LRP1B: variants seen among roughly 807,000 people sequenced by gnomAD.
LRP1B encodes LDL receptor related protein 1B, also known as low-density lipoprotein receptor-related protein 1B.
LRP1B carries 217 observed loss-of-function variants against 556.6 expected under a neutral mutation model. That is an observed-to-expected ratio of 0.39 (90% CI 0.35 to 0.44). The LOEUF (loss-of-function observed/expected upper bound fraction) is 0.44, where lower values mean the gene tolerates loss of function less well. Among genes scored for constraint, LRP1B ranks in the 20% least tolerant of loss-of-function variants. LRP1B has a pLI of 1.00. For synonymous variants in LRP1B, 2,047 were observed against 1,865.8 expected (o/e 1.10, Z -2.50); for missense variants, 5,053 against 5,620.8 (o/e 0.90, Z 3.23).
intron 1 of LRP1B, among the ~76,000 whole-genome samples, chr2:142,066,568 A>G (rs4662219): frequency 0.57 from 85,677 of 151,206 alleles, 24,611 homozygotes; most frequent in East Asian, 0.71. Context: ...TTCTTCTAAC[A>G]GTCTACTTAC....
chr2:140,430,127 C>T (rs1040351147), intron 66 of LRP1B, among the ~76,000 whole-genome samples: 1 of 152,126 alleles, frequency 6.6e-6, no homozygotes, highest in African/African-American at 2.4e-5. Flanking sequence ...TTATTGATGG[C>T]AGTTCCACCA....
At chr2:140,769,140 G>C (rs921593386) in intron 35 of LRP1B, 73 bp downstream of exon 35, 1 of 1,376,056 alleles carries the variant, frequency 7.3e-7, no homozygotes, top group Non-Finnish European at 1.0e-6. Context: ...CAGAGGAAAA[G>C]ATTGTATTCC....
At chr2:141,013,775 C>A (rs2105386066) in intron 13 of LRP1B, 30 bp from the exon 14 acceptor site, 1 of 1,332,296 alleles carries the variant, frequency 7.5e-7, no homozygotes, top group Non-Finnish European at 1.0e-6. Flanking sequence ...TGTGAAAAAT[C>A]AGAACTGACC....
At chr2:141,601,328 T>G (rs987838738) in intron 2 of LRP1B, among the ~76,000 whole-genome samples, 1 of 152,162 alleles carries the variant, frequency 6.6e-6, no homozygotes, top group African/African-American at 2.4e-5. Flanking sequence ...TTGCCACTGT[T>G]GAAATCTCTC....
chr2:141,121,672 G>T (rs1701052424), intron 7 of LRP1B, among the ~76,000 whole-genome samples: 1 of 152,064 alleles, frequency 6.6e-6, no homozygotes, highest in Non-Finnish European at 1.5e-5. Context: ...TGGCCATACT[G>T]CCCAAGGTAA....
intron 1 of LRP1B, among the ~76,000 whole-genome samples, chr2:142,110,696 G>T (rs1032700694): frequency 6.6e-6 from 1 of 152,078 alleles, no homozygotes; most frequent in Non-Finnish European, 1.5e-5. Context: ...AATTGTTAAT[G>T]ATTTCTTTTA....
intron 2 of LRP1B, among the ~76,000 whole-genome samples, chr2:141,701,110 C>T (rs1241632106): frequency 1.3e-5 from 2 of 151,800 alleles, no homozygotes; most frequent in African/African-American, 2.4e-5. Flanking sequence ...GATTGCCTGG[C>T]CCCAAAACTT....
intron 49 of LRP1B, among the ~76,000 whole-genome samples, chr2:140,517,673 T>A (rs948921735): frequency 6.6e-6 from 1 of 151,204 alleles, no homozygotes; most frequent in Non-Finnish European, 1.5e-5. Context: ...TATTTTAACC[T>A]TCAAGAGTAC....
At chr2:141,943,987 A>T (rs1574515565) in intron 1 of LRP1B, among the ~76,000 whole-genome samples, 1 of 152,306 alleles carries the variant, frequency 6.6e-6, no homozygotes, top group Non-Finnish European at 1.5e-5. Context: ...AGGTTCCCAC[A>T]GGGGAACAGG....
intron 41 of LRP1B, among the ~76,000 whole-genome samples, chr2:140,616,972 CAT>C (rs1346260369): frequency 6.6e-6 from 1 of 151,812 alleles, no homozygotes; most frequent in East Asian, 1.9e-4. Flanking sequence ...AAATAACAAT[CAT>C]AGTTAAAATT....
At chr2:142,098,498 G>A (rs1047502955) in intron 1 of LRP1B, among the ~76,000 whole-genome samples, 6 of 151,466 alleles carry the variant, frequency 4.0e-5, no homozygotes, top group African/African-American at 1.5e-4. Flanking sequence ...ATTCGTTTTC[G>A]AATTAGAGAA....
chr2:140,320,100 C>A (rs964700347), intron 82 of LRP1B, among the ~76,000 whole-genome samples: 3 of 152,142 alleles, frequency 2.0e-5, no homozygotes, highest in African/African-American at 7.2e-5. Flanking sequence ...AATCTAAATC[C>A]AATCTGCCTT....
intron 79 of LRP1B, among the ~76,000 whole-genome samples, chr2:140,328,399 T>A (rs1472757148): frequency 6.6e-6 from 1 of 151,884 alleles, no homozygotes; most frequent in African/African-American, 2.4e-5. Context: ...TTTTAAAATT[T>A]CACTCTTGTC....
chr2:140,481,348 C>G (rs1315722816), intron 59 of LRP1B, among the ~76,000 whole-genome samples: 1 of 151,920 alleles, frequency 6.6e-6, no homozygotes, highest in East Asian at 1.9e-4. Context: ...AAATCTGGGA[C>G]CAAAGCCTGA....
chr2:140,378,279 C>T lies in LRP1B; in HGVS notation c.10539G>A (p.Gln3513=), dbSNP rs750781399. The change falls in exon 68 of 91, where the codon CAG becomes CAA. Residue 3513 remains glutamine (Q), a synonymous_variant. Coordinates refer to ENST00000389484, the MANE Select transcript of LRP1B (RefSeq NM_018557.3). ...DNSDEENCKP[Q]TCTLKDFLCA... is the part of the protein sequence containing the mutation. Reference sequence around the variant, plus strand: ...AGAGGAAATCTTTCAATGTACATGTCTGTGGCTCTGGGGATAAAAAAACAG... The same window carrying T: ...AGAGGAAATCTTTCAATGTACATGTTTGTGGCTCTGGGGATAAAAAAACAG... 2 of 1,597,984 alleles carry T rather than the reference C, an allele frequency of 1.3e-6. No individual in the cohort carries two copies. The highest frequency in any genetic ancestry group is 1.3e-5 in the African/African-American group (1 of 74,244).
rs573668881 is a variant in LRP1B, at chr2:140,613,048, T to A, written c.6800-11409A>T. ...TTTTCTTACCTTTCATGATTACATA[T>A]GTTTTTGTTTCTCTCTTTCCCTCTG... On this transcript the variant is annotated intron_variant, in intron 41 of 90. Coordinates refer to ENST00000389484, the MANE Select transcript of LRP1B (RefSeq NM_018557.3). 9.2e-5 allele frequency among the ~76,000 whole-genome samples: 14 copies of A among 151,444 alleles called. No individual in the cohort carries two copies. The South Asian group carries it at 2.9e-3, about 32-fold the overall frequency.
chr2:140,257,621 C>A (rs1175137313), intron 86 of LRP1B, among the ~76,000 whole-genome samples: 1 of 152,176 alleles, frequency 6.6e-6, no homozygotes, highest in African/African-American at 2.4e-5. Flanking sequence ...TAACCTACGA[C>A]CTCTTACCTA....
chr2:140,460,184 T>C (rs1687259807), intron 60 of LRP1B, among the ~76,000 whole-genome samples: 1 of 152,082 alleles, frequency 6.6e-6, no homozygotes, highest in African/African-American at 2.4e-5. Flanking sequence ...GAATCTTAGC[T>C]CTCTCTGGAG....
At chr2:140,910,580 A>G (rs1212690703) in intron 21 of LRP1B, among the ~76,000 whole-genome samples, 3 of 151,900 alleles carry the variant, frequency 2.0e-5, no homozygotes, top group Admixed American at 6.6e-5. Context: ...ATATTTCATT[A>G]TATGACAAAA....
Sources: allele counts gnomAD v4.1 joint callset (sites outside exome capture counted in the v4.1 genomes callset), GRCh38; gene constraint gnomAD v4.1.1; transcripts MANE v1.5; gene names NCBI Gene and HGNC (gene_info 2026-07-23, HGNC 2026-07-21).